Variants in MYRIP observed in about 807,000 individuals in gnomAD.
MYRIP encodes myosin VIIA and Rab interacting protein, also known as rab effector MyRIP.
A neutral mutation model predicts 98.0 loss-of-function variants in MYRIP; 49 were observed. The ratio of observed to expected loss-of-function variants is 0.50; its 90% CI spans 0.40 to 0.63. The LOEUF (loss-of-function observed/expected upper bound fraction) is 0.63, where lower values mean the gene tolerates loss of function less well. Among genes scored for constraint, MYRIP ranks in the 30% least tolerant of loss-of-function variants. The probability of loss-of-function intolerance (pLI) is 0.00; values close to 1 mark genes in which losing one functional copy is unlikely to be tolerated. For synonymous variants in MYRIP, 404 were observed against 409.5 expected (o/e 0.99, Z 0.16); for missense variants, 1,004 against 1,058.2 (o/e 0.95, Z 0.71).
chr3:39,867,061 A>G (rs534317319), intron 1 of MYRIP, among the ~76,000 whole-genome samples: 9 of 152,204 alleles, frequency 5.9e-5, no homozygotes, highest in Non-Finnish European at 1.2e-4. Flanking sequence ...AGTGAAACCA[A>G]GCATTCACAG....
chr3:39,965,193 T>C (rs1575419526), intron 2 of MYRIP, among the ~76,000 whole-genome samples: 1 of 152,112 alleles, frequency 6.6e-6, no homozygotes, highest in Admixed American at 6.6e-5. Context: ...TGCGACCCAA[T>C]TGGATTTTAC....
In MYRIP at chr3:39,837,974, A is replaced by G. The variant is rs1445476404; in HGVS notation, c.-31+28058A>G. 2.0e-5 allele frequency among the ~76,000 whole-genome samples: 3 copies of G among 152,262 alleles called. No individual in the cohort carries two copies. In the East Asian group the frequency reaches 5.8e-4, roughly 29 times the overall value. ...TTCCTAGGTATTTTATTCTCTTTGT[A>G]GCAGTTGTGAATGGGAGTTCACTCA... is the stretch of plus-strand genomic sequence containing the variant. On this transcript the variant is annotated intron_variant, in intron 1 of 16. Coordinates refer to ENST00000302541, the MANE Select transcript of MYRIP (RefSeq NM_015460.4).
rs190587255 is a variant in MYRIP, at chr3:40,175,696, G to A, written c.873+5603G>A. ...TCAAATGCTGTATACAGCATGGCTG[G>A]GCACATTCATGTAGGCTAAGCCACT... On this transcript the variant is annotated intron_variant, in intron 8 of 16. Transcript: ENST00000302541. 2.6e-5 allele frequency among the ~76,000 whole-genome samples: 4 copies of A among 152,334 alleles called. No individual in the cohort carries two copies. The East Asian group carries it at 7.7e-4, about 29-fold the overall frequency.
chr3:39,947,388 A>G (rs1944926874), intron 2 of MYRIP, among the ~76,000 whole-genome samples: 1 of 152,176 alleles, frequency 6.6e-6, no homozygotes, highest in Admixed American at 6.6e-5. Flanking sequence ...AAAAAAATGA[A>G]TAAAATACAA....
At chr3:39,889,545 A>G (rs1575348911) in intron 1 of MYRIP, among the ~76,000 whole-genome samples, 1 of 152,046 alleles carries the variant, frequency 6.6e-6, no homozygotes, top group African/African-American at 2.4e-5. Flanking sequence ...GGGGGTAGGG[A>G]GGAGGGATAG....
chr3:40,240,945 A>G (rs189712922), intron 12 of MYRIP, among the ~76,000 whole-genome samples: 1 of 152,316 alleles, frequency 6.6e-6, no homozygotes, highest in East Asian at 1.9e-4. Flanking sequence ...CCAGCCCTAG[A>G]CAGTGGTATC....
intron 2 of MYRIP, among the ~76,000 whole-genome samples, chr3:39,951,369 G>T (rs1051206037): frequency 1.3e-5 from 2 of 152,012 alleles, no homozygotes; most frequent in African/African-American, 4.8e-5. Flanking sequence ...GAATTCAGTT[G>T]GGAGTATTTT....
At chr3:40,194,734 G>A (rs1951342883) in intron 10 of MYRIP, among the ~76,000 whole-genome samples, 1 of 151,902 alleles carries the variant, frequency 6.6e-6, no homozygotes, top group Non-Finnish European at 1.5e-5. Context: ...TTTACTTTCA[G>A]TGAAGTTTTA....
At chr3:40,099,887 G>A (rs900678435) in intron 3 of MYRIP, 10 of 649,630 alleles carry the variant, frequency 1.5e-5, no homozygotes, top group Admixed American at 1.3e-4. Flanking sequence ...GTATTAAACC[G>A]GGCAGCTTTA....
chr3:39,996,232 A>C (rs1314486110), intron 2 of MYRIP, among the ~76,000 whole-genome samples: 1 of 152,194 alleles, frequency 6.6e-6, no homozygotes, highest in Non-Finnish European at 1.5e-5. Flanking sequence ...AAAGACACAG[A>C]CTGGCAAATT....
intron 2 of MYRIP, among the ~76,000 whole-genome samples, chr3:39,972,277 TG>T (rs35187062): frequency 1.3e-5 from 2 of 152,056 alleles, no homozygotes; most frequent in South Asian, 4.1e-4. Flanking sequence ...TAGTAATTTT[TG>T]GTAGTTTAGT....
intron 2 of MYRIP, among the ~76,000 whole-genome samples, chr3:39,968,931 A>G (rs1359235370): frequency 2.0e-5 from 3 of 152,186 alleles, no homozygotes; most frequent in Admixed American, 6.6e-5. Flanking sequence ...GACCATATCA[A>G]TGATATTGAT....
intron 4 of MYRIP, among the ~76,000 whole-genome samples, chr3:40,160,630 G>A (rs1344890499): frequency 6.6e-6 from 1 of 152,214 alleles, no homozygotes; most frequent in Non-Finnish European, 1.5e-5. Flanking sequence ...AGACTGCTGT[G>A]CTAGCAATCA....
chr3:40,168,448 A>T (rs1950543961), intron 7 of MYRIP, among the ~76,000 whole-genome samples: 3 of 152,248 alleles, frequency 2.0e-5, no homozygotes, highest in Non-Finnish European at 4.4e-5. Context: ...ATTTTATAAC[A>T]GTGTTTATTA....
At chr3:39,978,218 G>A (rs1264031762) in intron 2 of MYRIP, among the ~76,000 whole-genome samples, 2 of 152,272 alleles carry the variant, frequency 1.3e-5, no homozygotes, top group Middle Eastern at 3.4e-3. Context: ...ATTAGCAATG[G>A]CTATCCTAGT....
chr3:39,818,363 C>T (rs1940989742), intron 1 of MYRIP, among the ~76,000 whole-genome samples: 1 of 152,094 alleles, frequency 6.6e-6, no homozygotes, highest in Admixed American at 6.5e-5. Context: ...AAAGAAGAAA[C>T]CCAGAACCTT....
intron 3 of MYRIP, among the ~76,000 whole-genome samples, chr3:40,089,871 A>C (rs1039377429): frequency 6.6e-6 from 1 of 152,108 alleles, no homozygotes; most frequent in African/African-American, 2.4e-5. Flanking sequence ...TCTTTAGGCC[A>C]AGGTAAATGT....
chr3:39,841,996 T>A (rs895833767), intron 1 of MYRIP, among the ~76,000 whole-genome samples: 13 of 152,178 alleles, frequency 8.5e-5, no homozygotes, highest in Admixed American at 8.5e-4. Flanking sequence ...TGCTGGGAGA[T>A]TCGCTGATCT....
chr3:40,011,079 C>T (rs2125795874), intron 2 of MYRIP, among the ~76,000 whole-genome samples: 1 of 152,256 alleles, frequency 6.6e-6, no homozygotes, highest in East Asian at 1.9e-4. Flanking sequence ...AAAGACAAAT[C>T]ATAGATCAAG....
Sources: gnomAD v4.1 joint callset for allele counts (sites outside exome capture counted in the v4.1 genomes callset) on GRCh38, gnomAD v4.1.1 for gene constraint, MANE v1.5 for transcripts, NCBI Gene and HGNC (gene_info 2026-07-23, HGNC 2026-07-21) for gene names.